The following RBFOX1 variants were observed in gnomAD, a reference collection of about 807,000 sequenced individuals.
The protein encoded by RBFOX1 is RNA binding protein fox-1 homolog 1.
In RBFOX1, 8 loss-of-function variants were observed where a neutral mutation model predicts 57.7. The ratio of observed to expected loss-of-function variants is 0.14; its 90% CI spans 0.08 to 0.25. The LOEUF is 0.25. Ranked by LOEUF, RBFOX1 falls within the 10% of genes least tolerant of loss-of-function variation. The pLI, the probability that RBFOX1 is intolerant of heterozygous loss-of-function variation, is 1.00. For synonymous variants in RBFOX1, 326 were observed against 222.4 expected (o/e 1.47, Z -4.15); for missense variants, 611 against 548.5 (o/e 1.11, Z -1.14).
chr16:6,512,807 G>A (rs1293780031), intron 2 of RBFOX1, among the ~76,000 whole-genome samples: 3 of 152,282 alleles, frequency 2.0e-5, no homozygotes, highest in Admixed American at 6.5e-5. Context: ...CTTAGCCACA[G>A]CCAAGCCTAA....
chr16:7,133,794 T>C (rs1218720586), intron 4 of RBFOX1, among the ~76,000 whole-genome samples: 1 of 151,952 alleles, frequency 6.6e-6, no homozygotes, highest in Non-Finnish European at 1.5e-5. Context: ...AAAAAAAGAA[T>C]GACTGACACA....
chr16:6,933,861 A>T (rs2153479991), intron 3 of RBFOX1, among the ~76,000 whole-genome samples: 2 of 152,300 alleles, frequency 1.3e-5, no homozygotes, highest in Middle Eastern at 6.8e-3. Flanking sequence ...AATAATTGGG[A>T]TTTCATTATT....
intron 4 of RBFOX1, among the ~76,000 whole-genome samples, chr16:7,126,005 C>T (rs1286776184): frequency 6.6e-6 from 1 of 152,138 alleles, no homozygotes; most frequent in Admixed American, 6.5e-5. Context: ...ATCACTTGAA[C>T]CTGGGAGGCG....
chr16:6,820,712 C>T (rs963555702), intron 3 of RBFOX1, among the ~76,000 whole-genome samples: 1 of 152,070 alleles, frequency 6.6e-6, no homozygotes, highest in African/African-American at 2.4e-5. Context: ...GCAGTGCATT[C>T]TCATTCTTAG....
intron 11 of RBFOX1, among the ~76,000 whole-genome samples, chr16:7,641,099 A>G (rs1471157940): frequency 1.3e-5 from 2 of 152,152 alleles, no homozygotes; most frequent in Non-Finnish European, 2.9e-5. Flanking sequence ...GCTGGGAAGG[A>G]ACAGCTTAGG....
chr16:6,641,679 G>A (rs1054906938), intron 2 of RBFOX1, among the ~76,000 whole-genome samples: 1 of 133,350 alleles, frequency 7.5e-6, no homozygotes, highest in Admixed American at 8.0e-5. Flanking sequence ...AGGTTGCAGT[G>A]AGCTGAGATG....
At chr16:7,062,893 A>ATTTTTTTTTTTTTTTTTTTTTTTT (rs1170936027) in intron 4 of RBFOX1, among the ~76,000 whole-genome samples, 1 of 47,256 alleles carries the variant, frequency 2.1e-5, no homozygotes, top group Non-Finnish European at 3.8e-5. Flanking sequence ...AATGATCGCC[A>ATTTTTTTTTTTTTTTTTTTTTTTT]TTTTTTTTTT....
intron 3 of RBFOX1, among the ~76,000 whole-genome samples, chr16:5,638,558 A>C (rs1460924584): frequency 1.3e-5 from 2 of 152,174 alleles, no homozygotes; most frequent in Non-Finnish European, 2.9e-5. Flanking sequence ...TGGGGCCTAA[A>C]GGAAGGGTGG....
chr16:7,383,236 A>G (rs934623178), intron 4 of RBFOX1, among the ~76,000 whole-genome samples: 3 of 151,790 alleles, frequency 2.0e-5, no homozygotes, highest in Non-Finnish European at 4.4e-5. Context: ...TATCCCATAA[A>G]CATACACACC....
chr16:6,982,037 T>C (rs11865315), intron 3 of RBFOX1, among the ~76,000 whole-genome samples: 16,581 of 152,226 alleles, frequency 0.11, 1,340 homozygotes, highest in African/African-American at 0.22. Flanking sequence ...CCTTACAAAT[T>C]TATGTAAAAT....
rs933502787 is a variant in RBFOX1 at position 6,340,524 on chromosome 16, C to T, written c.-64+23467C>T. On this transcript the variant is annotated intron_variant, in intron 2 of 15. Transcript: ENST00000550418. ...GATTATTTCTTGATGATATGCTAAACAAGGGGAGGATTATTTATGCCTTCC... is the reference window on the plus strand; with the variant it reads ...GATTATTTCTTGATGATATGCTAAATAAGGGGAGGATTATTTATGCCTTCC... Among the ~76,000 whole-genome samples the T allele has an allele frequency of 2.6e-5, 4 of 152,176 alleles. No individual in the cohort carries two copies. The South Asian group carries it at 6.2e-4, about 24-fold the overall frequency.
intron 4 of RBFOX1, among the ~76,000 whole-genome samples, chr16:7,511,648 T>A (rs1279209415): frequency 1.3e-5 from 2 of 152,072 alleles, no homozygotes; most frequent in Non-Finnish European, 2.9e-5. Flanking sequence ...TGAATCAGAC[T>A]TGGTTGCATT....
rs370456210 is a variant in RBFOX1, at chr16:6,365,389, T to C, written c.-64+48332T>C. ...ATGAGTGGATGGGTGGATAGGTGGA[T>C]GGATGAGTAGATGGATGGATGGATG... is the stretch of plus-strand genomic sequence containing the variant. On this transcript the variant is annotated intron_variant, in intron 2 of 15. Coordinates refer to ENST00000550418, the MANE Select transcript of RBFOX1 (RefSeq NM_018723.4). Among the ~76,000 whole-genome samples the C allele has an allele frequency of 5.1e-4, 78 of 151,832 alleles. 2 individuals carry two copies. The South Asian group carries it at 0.015, about 29-fold the overall frequency.
chr16:7,633,821 C>T (rs1285635905), intron 11 of RBFOX1, among the ~76,000 whole-genome samples: 2 of 152,122 alleles, frequency 1.3e-5, no homozygotes, highest in African/African-American at 2.4e-5. Context: ...CACATTGCTG[C>T]GGTTTCCTTT....
chr16:6,854,298 A>G (rs933415907), intron 3 of RBFOX1, among the ~76,000 whole-genome samples: 4 of 152,184 alleles, frequency 2.6e-5, no homozygotes, highest in African/African-American at 4.8e-5. Context: ...TGGAGGATCA[A>G]TATGACTGTA....
At chr16:5,867,710 C>CTTTAT (rs2057376517) in intron 4 of RBFOX1, among the ~76,000 whole-genome samples, 2 of 151,990 alleles carry the variant, frequency 1.3e-5, no homozygotes, top group East Asian at 1.9e-4. Context: ...TTTTCCTTTC[C>CTTTAT]TTTATTTTAT....
intron 10 of RBFOX1, among the ~76,000 whole-genome samples, chr16:7,623,967 T>C (rs716982): frequency 0.22 from 33,136 of 152,146 alleles, 4,840 homozygotes; most frequent in East Asian, 0.69. Context: ...CTCAGAGTTA[T>C]AGCATTTAAA....
intron 3 of RBFOX1, among the ~76,000 whole-genome samples, chr16:5,616,567 TTCCCTCTCCCTTC>T (rs982700176): frequency 6.8e-6 from 1 of 146,326 alleles, no homozygotes; most frequent in Non-Finnish European, 1.5e-5. Flanking sequence ...CCTCCTCCTC[TTCCCTCTCCCTTC>T]TCCCTCTCCC....
intron 2 of RBFOX1, among the ~76,000 whole-genome samples, chr16:6,602,047 G>A (rs552930692): frequency 4.6e-5 from 7 of 152,208 alleles, no homozygotes; most frequent in East Asian, 3.9e-4. Flanking sequence ...GAACAAAGGC[G>A]TCCTATTTCT....
Sources: allele counts gnomAD v4.1 joint callset (sites outside exome capture counted in the v4.1 genomes callset), GRCh38; gene constraint gnomAD v4.1.1; transcripts MANE v1.5; gene names NCBI Gene and HGNC (gene_info 2026-07-23, HGNC 2026-07-21).